Variants in SLC13A1 observed in about 807,000 individuals in gnomAD.
SLC13A1 encodes Na(+)/sulfate cotransporter.
A neutral mutation model predicts 70.0 loss-of-function variants in SLC13A1; 65 were observed. The observed-to-expected ratio is 0.93, with a 90% CI of 0.76 to 1.14. The LOEUF is 1.14. Ranked by LOEUF, SLC13A1 falls within the 50% of genes most tolerant of loss-of-function variation. The pLI is 0.00. For synonymous variants in SLC13A1, 275 were observed against 250.5 expected (o/e 1.10, Z -0.92); for missense variants, 726 against 717.8 (o/e 1.01, Z -0.13).
intron 8 of SLC13A1, among the ~76,000 whole-genome samples, chr7:123,130,533 G>A (rs1229717612): frequency 6.6e-6 from 1 of 152,010 alleles, no homozygotes; most frequent in Non-Finnish European, 1.5e-5. Flanking sequence ...ATGGAACCAG[G>A]GAGAAGAACA....
chr7:123,117,443 T>C (rs2116241020), intron 14 of SLC13A1, 28 bp downstream of exon 14: 1 of 1,602,996 alleles, frequency 6.2e-7, no homozygotes, highest in East Asian at 2.2e-5. Context: ...TGTATTGGAT[T>C]TGATAGTATT....
rs1426678670 is a variant in SLC13A1, at chr7:123,191,391, G to C, written c.99+8457C>G. Among the ~76,000 whole-genome samples, 3 of 152,236 alleles carry C rather than the reference G, an allele frequency of 2.0e-5. No homozygotes were observed. In the East Asian group the frequency reaches 5.8e-4, roughly 29 times the overall value. ...TTAACCTGACTCTGGTCCCTGAATG[G>C]CATGGGAGTGCTTTCAACCACAGGT... On this transcript the variant is annotated intron_variant, in intron 1 of 14. Transcript: ENST00000194130.
intron 6 of SLC13A1, among the ~76,000 whole-genome samples, chr7:123,152,349 G>C (rs2116451769): frequency 6.6e-6 from 1 of 152,090 alleles, no homozygotes; most frequent in East Asian, 1.9e-4. Flanking sequence ...ATTTCATTTT[G>C]GGGGTACATA....
intron 6 of SLC13A1, among the ~76,000 whole-genome samples, chr7:123,149,153 G>A (rs1458140053): frequency 6.6e-6 from 1 of 151,972 alleles, no homozygotes; most frequent in East Asian, 1.9e-4. Context: ...TCTTTATGTT[G>A]AAATCCACTT....
intron 7 of SLC13A1, among the ~76,000 whole-genome samples, chr7:123,140,613 GTT>G (rs940719079): frequency 1.3e-5 from 2 of 152,050 alleles, no homozygotes; most frequent in Admixed American, 6.6e-5. Flanking sequence ...CTTGTTATTA[GTT>G]TGTTCAGGTT....
At chr7:123,191,632 C>T (rs892582195) in intron 1 of SLC13A1, among the ~76,000 whole-genome samples, 1 of 152,234 alleles carries the variant, frequency 6.6e-6, no homozygotes, top group Admixed American at 6.5e-5. Flanking sequence ...TGTTTTCTGA[C>T]TTACTATAGG....
chr7:123,159,185 T>C (rs1794806482), intron 6 of SLC13A1, among the ~76,000 whole-genome samples: 1 of 152,148 alleles, frequency 6.6e-6, no homozygotes, highest in Non-Finnish European at 1.5e-5. Context: ...AAATGGATTA[T>C]CTTTAAATGT....
At chr7:123,169,070 A>T in intron 4 of SLC13A1, 78 bp downstream of exon 4, 1 of 1,362,824 alleles carries the variant, frequency 7.3e-7, no homozygotes, top group Non-Finnish European at 1.0e-6. Context: ...TTAATTCAAA[A>T]TACAACTTAG....
intron 3 of SLC13A1, among the ~76,000 whole-genome samples, chr7:123,170,015 G>A (rs1018173896): frequency 2.0e-5 from 3 of 151,820 alleles, no homozygotes; most frequent in Non-Finnish European, 4.4e-5. Context: ...TTTATAAATA[G>A]AGTAGTTATT....
chr7:123,154,445 C>G (rs964584742), intron 6 of SLC13A1, among the ~76,000 whole-genome samples: 1 of 152,082 alleles, frequency 6.6e-6, no homozygotes, highest in Non-Finnish European at 1.5e-5. Context: ...CTCACTATTG[C>G]CACCTGGTGG....
chr7:123,119,167 T>A lies in SLC13A1; in HGVS notation c.1426A>T (p.Ile476Leu). The A allele has an allele frequency of 6.2e-7, 1 of 1,612,656 alleles. No individual in the cohort carries two copies. The highest frequency in any genetic ancestry group is 1.3e-5 in the African/African-American group (1 of 74,972). Residue 476 changes from isoleucine (I) to leucine (L), a missense_variant, in exon 13 of 15, where the codon ATA (isoleucine) becomes TTA (leucine). Physicochemically the swap from Ile to Leu is conservative, Grantham distance 5. Transcript: ENST00000194130. ...AAAGATGTCACCATCAAAGAAGATA[T>A]CAGAATTATTAGCCATGCTGGTAAT... ...GSLPAWLIIL[I>L]SSLMVTSLTE...
intron 1 of SLC13A1, among the ~76,000 whole-genome samples, chr7:123,189,717 C>T (rs1795936104): frequency 6.6e-6 from 1 of 151,818 alleles, no homozygotes; most frequent in Admixed American, 6.6e-5. Flanking sequence ...CCAGAAAGGT[C>T]TATTATATAT....
intron 6 of SLC13A1, among the ~76,000 whole-genome samples, chr7:123,162,107 A>G (rs1436460819): frequency 6.6e-6 from 1 of 151,812 alleles, no homozygotes; most frequent in Non-Finnish European, 1.5e-5. Context: ...AAAATATAGT[A>G]TTCAAATAAG....
At chr7:123,132,245 A>G (rs1793788953) in intron 8 of SLC13A1, among the ~76,000 whole-genome samples, 1 of 152,150 alleles carries the variant, frequency 6.6e-6, no homozygotes, top group African/African-American at 2.4e-5. Flanking sequence ...CTACTAATAA[A>G]ACCATGGCAG....
chr7:123,158,195 G>A (rs1299579388), intron 6 of SLC13A1, among the ~76,000 whole-genome samples: 8 of 151,840 alleles, frequency 5.3e-5, no homozygotes, highest in South Asian at 2.1e-4. Flanking sequence ...AGACCCACAA[G>A]GACCTCAGAG....
At chr7:123,145,619 T>G (rs1464646350) in intron 7 of SLC13A1, among the ~76,000 whole-genome samples, 1 of 152,206 alleles carries the variant, frequency 6.6e-6, no homozygotes, top group African/African-American at 2.4e-5. Context: ...GGGGATACAT[T>G]GGATAAATCC....
intron 6 of SLC13A1, among the ~76,000 whole-genome samples, chr7:123,157,454 C>T (rs1242606687): frequency 6.6e-6 from 1 of 151,896 alleles, no homozygotes; most frequent in Admixed American, 6.6e-5. Flanking sequence ...TATAAATAAA[C>T]TCTATTTTTC....
intron 2 of SLC13A1, 31 bp from the exon 3 acceptor site, chr7:123,171,935 A>T: frequency 6.2e-7 from 1 of 1,600,656 alleles, no homozygotes; most frequent in Non-Finnish European, 8.5e-7. Flanking sequence ...GTGATTATTT[A>T]CTTTGGTGGG....
chr7:123,168,894 G>C (rs551008605), intron 4 of SLC13A1, among the ~76,000 whole-genome samples: 4 of 152,280 alleles, frequency 2.6e-5, no homozygotes, highest in Admixed American at 2.6e-4. Flanking sequence ...AAAGACATGA[G>C]AGAGTGTTCC....
Sources: gnomAD v4.1 joint callset for allele counts (sites outside exome capture counted in the v4.1 genomes callset) on GRCh38, gnomAD v4.1.1 for gene constraint, MANE v1.5 for transcripts, NCBI Gene and HGNC (gene_info 2026-07-23, HGNC 2026-07-21) for gene names.